HELZ: variants seen among roughly 807,000 people sequenced by gnomAD.
HELZ encodes the protein helicase with zinc finger, also known as ATP-dependent RNA helicase with zinc finger domain.
HELZ carries 23 observed loss-of-function variants against 218.2 expected under a neutral mutation model. That is an observed-to-expected ratio of 0.11 (90% CI 0.08 to 0.15). The LOEUF (loss-of-function observed/expected upper bound fraction) is 0.15. Ranked by LOEUF, HELZ falls within the 10% of genes least tolerant of loss-of-function variation. HELZ has a pLI of 1.00. For missense variants in HELZ, 1,813 were observed against 2,353.7 expected, an observed-to-expected ratio of 0.77 and a Z score of 4.75; for synonymous variants, 814 against 829.4, an observed-to-expected ratio of 0.98 and a Z score of 0.32.
chr17:67,237,761 G>C (rs958310972), intron 3 of HELZ, among the ~76,000 whole-genome samples: 1 of 151,954 alleles, frequency 6.6e-6, no homozygotes, highest in African/African-American at 2.4e-5. Flanking sequence ...GGCCAAGGCG[G>C]GTGGATCACT....
chr17:67,137,372 T>C (rs535542232), intron 22 of HELZ, among the ~76,000 whole-genome samples: 3 of 152,186 alleles, frequency 2.0e-5, no homozygotes, highest in African/African-American at 7.2e-5. Flanking sequence ...GGACAACACA[T>C]GGTACAGTAG....
chr17:67,245,217 G>A (rs1360261174), upstream of HELZ: 2 of 985,556 alleles, frequency 2.0e-6, no homozygotes, highest in Admixed American at 6.2e-5. Context: ...GGGTAAGAAA[G>A]AGCCTTTAAA....
intron 23 of HELZ, among the ~76,000 whole-genome samples, chr17:67,131,100 C>A (rs970081807): frequency 2.0e-5 from 3 of 152,100 alleles, no homozygotes; most frequent in African/African-American, 7.2e-5. Context: ...GATGCCAGGG[C>A]TGGTTTCAAA....
At chr17:67,134,194 A>G (rs1230518363) in intron 23 of HELZ, among the ~76,000 whole-genome samples, 1 of 152,026 alleles carries the variant, frequency 6.6e-6, no homozygotes, top group Admixed American at 6.6e-5. Context: ...GACCAGCCTG[A>G]CCAACATGGA....
chr17:67,164,935 A>G (rs1416860695), intron 15 of HELZ, among the ~76,000 whole-genome samples: 2 of 152,220 alleles, frequency 1.3e-5, no homozygotes, highest in Admixed American at 6.5e-5. Context: ...GATGAGCCAG[A>G]AAACAGGGCC....
At position 67,177,066 on chromosome 17, in the gene HELZ, G is replaced by A. The variant is rs147855668; in HGVS notation, c.1430+1593C>T. ...TAGCTCACTGAAGCCTAGACCTCCT[G>A]GGCTCAAGCGATTCTCCCACCTCAG... On this transcript the variant is annotated intron_variant, in intron 13 of 32. Coordinates refer to ENST00000358691, the MANE Select transcript of HELZ (RefSeq NM_014877.4). Among the ~76,000 whole-genome samples, 705 of 150,532 alleles carry A rather than the reference G, an allele frequency of 4.7e-3. 5 individuals are homozygous for A. Among genetic ancestry groups the A allele is most frequent in the African/African-American group, 0.016 (670 of 40,954 alleles).
chr17:67,091,905 T>C (rs2036584374), intron 31 of HELZ, among the ~76,000 whole-genome samples: 1 of 152,172 alleles, frequency 6.6e-6, no homozygotes, highest in Admixed American at 6.5e-5. Context: ...CAAATTATCA[T>C]TTTCTGCTTA....
At chr17:67,160,757 T>C in intron 16 of HELZ, 140 bp downstream of exon 16, 5 of 618,388 alleles carry the variant, frequency 8.1e-6, no homozygotes, top group Non-Finnish European at 1.3e-5. Flanking sequence ...GGGGTTTGGA[T>C]TTACGGCTTT....
intron 21 of HELZ, among the ~76,000 whole-genome samples, chr17:67,140,508 T>C (rs963599060): frequency 6.6e-6 from 1 of 152,052 alleles, no homozygotes. Context: ...TCAGCAAACG[T>C]GAAGATACAT....
At chr17:67,209,297 T>C (rs1383173082) in intron 5 of HELZ, among the ~76,000 whole-genome samples, 2 of 152,058 alleles carry the variant, frequency 1.3e-5, no homozygotes, top group African/African-American at 4.8e-5. Flanking sequence ...GATAAAAACA[T>C]CTGCAAAATG....
intron 5 of HELZ, among the ~76,000 whole-genome samples, chr17:67,209,775 G>A (rs556492296): frequency 7.2e-5 from 11 of 152,258 alleles, no homozygotes; most frequent in African/African-American, 2.6e-4. Flanking sequence ...TTGCTCATCT[G>A]TAAAACTGCA....
chr17:67,220,860 CA>C (rs550456428), intron 3 of HELZ, among the ~76,000 whole-genome samples: 15 of 132,106 alleles, frequency 1.1e-4, no homozygotes, highest in African/African-American at 3.5e-4. Context: ...CCCCCCCCCC[CA>C]AAAAAAAAGA....
chr17:67,122,510 C>A (rs556665127), intron 26 of HELZ, among the ~76,000 whole-genome samples: 3 of 151,838 alleles, frequency 2.0e-5, no homozygotes, highest in African/African-American at 7.3e-5. Context: ...CACGCCACAG[C>A]ACTCCAGCCG....
intron 27 of HELZ, among the ~76,000 whole-genome samples, chr17:67,115,716 ATC>A (rs1211949959): frequency 6.6e-6 from 1 of 152,144 alleles, no homozygotes; most frequent in Non-Finnish European, 1.5e-5. Flanking sequence ...CTACAAAAAT[ATC>A]TTTTAAAAAT....
At chr17:67,200,927 G>A (rs956038546) in intron 7 of HELZ, 5 of 560,840 alleles carry the variant, frequency 8.9e-6, no homozygotes, top group African/African-American at 1.9e-5. Context: ...GGCACACAGA[G>A]GAGACATGTG....
chr17:67,227,881 GTCT>G (rs1277323186), intron 3 of HELZ, among the ~76,000 whole-genome samples: 1 of 152,070 alleles, frequency 6.6e-6, no homozygotes, highest in East Asian at 1.9e-4. Flanking sequence ...TGTAGTTATG[GTCT>G]TCTTTGATCT....
In HELZ at chr17:67,192,510, T is replaced by C. The variant is rs182211667; in HGVS notation, c.557+1457A>G. Among the ~76,000 whole-genome samples, 206 of 152,330 alleles carry C rather than the reference T, an allele frequency of 1.4e-3. 1 individual carries two copies. The highest frequency in any genetic ancestry group is 2.0e-3 in the Non-Finnish European group (135 of 68,032). On this transcript the variant is annotated intron_variant, in intron 9 of 32. Coordinates refer to ENST00000358691, the MANE Select transcript of HELZ (RefSeq NM_014877.4). ...TATGTTTCTTTTCAATATGTCTTAA[T>C]GGGCCAAATCTTTGTCTTTCTATTG...
intron 7 of HELZ, 80 bp downstream of exon 7, chr17:67,201,049 T>A (rs1169910450): frequency 9.1e-7 from 1 of 1,102,552 alleles, no homozygotes; most frequent in Non-Finnish European, 1.4e-6. Flanking sequence ...GCCACAATGG[T>A]TTTCCAAATT....
At chr17:67,190,710 T>C (rs550118746) in intron 9 of HELZ, among the ~76,000 whole-genome samples, 85 of 152,266 alleles carry the variant, frequency 5.6e-4, no homozygotes, top group Admixed American at 1.5e-3. Flanking sequence ...TTGTTTTTGA[T>C]TTTTTGTTTT....
Sources: allele counts gnomAD v4.1 joint callset (sites outside exome capture counted in the v4.1 genomes callset), GRCh38; gene constraint gnomAD v4.1.1; transcripts MANE v1.5; gene names NCBI Gene and HGNC (gene_info 2026-07-23, HGNC 2026-07-21).